Variants in PCDH9 observed in about 807,000 individuals in gnomAD.
PCDH9 encodes the protein protocadherin 9.
In PCDH9, 24 loss-of-function variants were observed where a neutral mutation model predicts 70.6. The observed-to-expected ratio is 0.34, with a 90% CI of 0.25 to 0.48. The LOEUF is 0.48. Among genes scored for constraint, PCDH9 ranks in the 20% least tolerant of loss-of-function variants. The probability of loss-of-function intolerance (pLI) is 0.99; values close to 1 mark genes in which losing one functional copy is unlikely to be tolerated. For missense variants in PCDH9, 1,281 were observed against 1,503.6 expected (o/e 0.85, Z 2.45); for synonymous variants, 562 against 558.5 (o/e 1.01, Z -0.09).
chr13:66,717,954 T>C (rs776247070), intron 3 of PCDH9, among the ~76,000 whole-genome samples: 2 of 152,194 alleles, frequency 1.3e-5, no homozygotes. Flanking sequence ...TCAGATCATG[T>C]TAACGCATAC....
intron 4 of PCDH9, among the ~76,000 whole-genome samples, chr13:66,352,062 C>T (rs895285286): frequency 2.0e-5 from 3 of 152,158 alleles, no homozygotes; most frequent in African/African-American, 7.2e-5. Flanking sequence ...TCTTGAACTC[C>T]TGACCTCAGG....
At chr13:66,510,758 A>T (rs1483465554) in intron 4 of PCDH9, among the ~76,000 whole-genome samples, 2 of 152,110 alleles carry the variant, frequency 1.3e-5, no homozygotes, top group East Asian at 3.8e-4. Flanking sequence ...CCAGTCTATC[A>T]TTGTTGGGCA....
chr13:66,798,753 C>A (rs914218155), intron 3 of PCDH9, among the ~76,000 whole-genome samples: 1 of 152,094 alleles, frequency 6.6e-6, no homozygotes, highest in Non-Finnish European at 1.5e-5. Context: ...AGCACAGGCA[C>A]AGAAAGAAAA....
intron 2 of PCDH9, among the ~76,000 whole-genome samples, chr13:67,166,626 A>G (rs17082191): frequency 0.062 from 9,371 of 152,294 alleles, 436 homozygotes; most frequent in African/African-American, 0.11. Context: ...ATACTCATAC[A>G]TAAGGCTTGA....
intron 3 of PCDH9, among the ~76,000 whole-genome samples, chr13:66,678,549 CA>C (rs1388003705): frequency 3.3e-5 from 5 of 151,870 alleles, no homozygotes; most frequent in African/African-American, 1.2e-4. Flanking sequence ...AATTGGAAGC[CA>C]AGTTTCAGAG....
chr13:67,147,387 C>T lies in PCDH9; in HGVS notation c.3036+78018G>A, dbSNP rs138173147. Among the ~76,000 whole-genome samples, 14 of 152,202 alleles carry T rather than the reference C, an allele frequency of 9.2e-5. No individual in the cohort carries two copies. In the East Asian group the frequency reaches 2.3e-3, roughly 25 times the overall value. On this transcript the variant is annotated intron_variant, in intron 2 of 4. Transcript: ENST00000377865. ...AGGAAATGTGAGAGGAAGTACACATCGCAGATATAAAGCTGGGAATGTGTA... is the reference window on the plus strand; with the variant it reads ...AGGAAATGTGAGAGGAAGTACACATTGCAGATATAAAGCTGGGAATGTGTA...
chr13:66,770,943 C>T (rs530730178), intron 3 of PCDH9, among the ~76,000 whole-genome samples: 14 of 152,328 alleles, frequency 9.2e-5, no homozygotes, highest in African/African-American at 2.9e-4. Flanking sequence ...ACTCCAGGTT[C>T]ACCTGAGTTA....
intron 4 of PCDH9, among the ~76,000 whole-genome samples, chr13:66,575,433 G>C (rs1429028780): frequency 1.3e-5 from 2 of 152,038 alleles, no homozygotes; most frequent in East Asian, 3.9e-4. Flanking sequence ...GTCCCATCAG[G>C]ATCTACTCAA....
chr13:66,447,922 C>A (rs1390021918), intron 4 of PCDH9, among the ~76,000 whole-genome samples: 3 of 152,076 alleles, frequency 2.0e-5, no homozygotes, highest in Non-Finnish European at 4.4e-5. Context: ...TATCTGAGTT[C>A]TTTCAGTTTG....
At chr13:67,031,549 G>A (rs2084906988) in intron 2 of PCDH9, among the ~76,000 whole-genome samples, 1 of 152,096 alleles carries the variant, frequency 6.6e-6, no homozygotes, top group Non-Finnish European at 1.5e-5. Flanking sequence ...CAGAGGTGGT[G>A]GCACACACCT....
At chr13:67,033,160 C>T (rs2084940156) in intron 2 of PCDH9, among the ~76,000 whole-genome samples, 1 of 152,078 alleles carries the variant, frequency 6.6e-6, no homozygotes, top group African/African-American at 2.4e-5. Context: ...TAAGATATTT[C>T]TCTCTCTTTT....
At chr13:66,968,456 TA>T (rs1171461458) in intron 2 of PCDH9, among the ~76,000 whole-genome samples, 1 of 152,010 alleles carries the variant, frequency 6.6e-6, no homozygotes, top group Non-Finnish European at 1.5e-5. Flanking sequence ...TAAGAGTTCC[TA>T]CCTAAGTCTT....
chr13:67,154,272 G>T (rs1407842379), intron 2 of PCDH9, among the ~76,000 whole-genome samples: 5 of 151,940 alleles, frequency 3.3e-5, no homozygotes, highest in Admixed American at 2.0e-4. Context: ...TGTAATAAGA[G>T]AATGTGATGA....
chr13:66,935,127 C>T (rs1327538394), intron 2 of PCDH9, among the ~76,000 whole-genome samples: 1 of 152,006 alleles, frequency 6.6e-6, no homozygotes, highest in Non-Finnish European at 1.5e-5. Flanking sequence ...AGTGGCGCAT[C>T]ACGATTCACT....
At chr13:66,504,883 C>A (rs935480122) in intron 4 of PCDH9, among the ~76,000 whole-genome samples, 1 of 152,140 alleles carries the variant, frequency 6.6e-6, no homozygotes, top group Non-Finnish European at 1.5e-5. Context: ...GTAGTCTTCA[C>A]AAATCACACT....
At chr13:66,887,919 T>C (rs1027536509) in intron 3 of PCDH9, among the ~76,000 whole-genome samples, 1 of 152,198 alleles carries the variant, frequency 6.6e-6, no homozygotes, top group Non-Finnish European at 1.5e-5. Context: ...AATCAAGGGA[T>C]GATCATATGT....
intron 3 of PCDH9, among the ~76,000 whole-genome samples, chr13:66,688,291 G>C (rs1031976270): frequency 2.0e-5 from 3 of 151,946 alleles, no homozygotes; most frequent in African/African-American, 7.2e-5. Context: ...TGTATTCCTA[G>C]CTTTGTAATA....
At chr13:66,729,213 A>G (rs2079041530) in intron 3 of PCDH9, among the ~76,000 whole-genome samples, 3 of 152,098 alleles carry the variant, frequency 2.0e-5, no homozygotes, top group African/African-American at 2.4e-5. Flanking sequence ...TGATGGTATC[A>G]CATCCTTCCC....
chr13:66,694,110 T>C (rs2078525686), intron 3 of PCDH9, among the ~76,000 whole-genome samples: 1 of 152,194 alleles, frequency 6.6e-6, no homozygotes, highest in African/African-American at 2.4e-5. Flanking sequence ...TTGAAAATAT[T>C]CTATAAATGT....
Sources: gnomAD v4.1 joint callset for allele counts (sites outside exome capture counted in the v4.1 genomes callset) on GRCh38, gnomAD v4.1.1 for gene constraint, MANE v1.5 for transcripts, NCBI Gene and HGNC (gene_info 2026-07-23, HGNC 2026-07-21) for gene names.